Variants in RTTN observed in about 807,000 individuals in gnomAD.
RTTN encodes the protein rotatin.
Under a neutral mutation model 269.2 loss-of-function variants are expected in RTTN, and 182 were observed. That is an observed-to-expected ratio of 0.68 (90% CI 0.60 to 0.76). The LOEUF (loss-of-function observed/expected upper bound fraction) is 0.76, where lower values mean the gene tolerates loss of function less well. Among genes scored for constraint, RTTN ranks in the 30% least tolerant of loss-of-function variants. The pLI is 0.00. For synonymous variants in RTTN, 1,006 were observed against 963.5 expected (o/e 1.04, Z -0.82); for missense variants, 2,545 against 2,608.6 (o/e 0.98, Z 0.53).
chr18:70,120,476 C>G (rs1336584043), intron 26 of RTTN, among the ~76,000 whole-genome samples: 2 of 152,124 alleles, frequency 1.3e-5, no homozygotes, highest in African/African-American at 2.4e-5. Context: ...AAAATTATCT[C>G]TAAGTTTCGC....
chr18:70,124,882 ATAGGACTTCCAG>A (rs1349248366), intron 25 of RTTN, among the ~76,000 whole-genome samples: 1 of 152,068 alleles, frequency 6.6e-6, no homozygotes, highest in Non-Finnish European at 1.5e-5. Flanking sequence ...AACAGTAGCA[ATAGGACTTCCAG>A]TAGGAAAGGA....
chr18:70,122,100 CG>C (rs1005724679), intron 25 of RTTN, among the ~76,000 whole-genome samples: 2 of 151,556 alleles, frequency 1.3e-5, no homozygotes, highest in African/African-American at 4.9e-5. Context: ...CTGACCAACT[CG>C]AAAAAATAAG....
At position 70,030,044 on chromosome 18, in the gene RTTN, G is replaced by T; in HGVS notation, c.5713C>A (p.Leu1905Met). Reference sequence around the variant, plus strand: ...TTCAATGCTGCTTTCCCAGGCCTCAGAGAATCTAGGTTCAGTTGTGCATTT... The same window carrying T: ...TTCAATGCTGCTTTCCCAGGCCTCATAGAATCTAGGTTCAGTTGTGCATTT... ...HINAQLNLDS[L>M]RPGKAALKKK... The change falls in exon 42 of 49, where the codon CTG (leucine) becomes ATG (methionine). Residue 1905 changes from leucine to methionine, a missense_variant. Coordinates refer to ENST00000640769, the MANE Select transcript of RTTN (RefSeq NM_173630.4). 6.2e-7 allele frequency: 1 copy of T among 1,612,776 alleles called. No individual in the cohort carries two copies. The highest frequency in any genetic ancestry group is 1.1e-5 in the South Asian group (1 of 91,040).
chr18:70,063,965 C>CTTTTTTTT (rs35413593), intron 35 of RTTN, among the ~76,000 whole-genome samples: 2 of 131,214 alleles, frequency 1.5e-5, no homozygotes, highest in South Asian at 2.4e-4. Flanking sequence ...CTTTTATATG[C>CTTTTTTTT]TTTTTTTTTT....
At position 70,150,709 on chromosome 18, in the gene RTTN, T is replaced by C; in HGVS notation, c.1954A>G (p.Thr652Ala). Reference sequence around the variant, plus strand: ...TTGCAAAGTGAAGACACGGGTTTAGTGACATTATGGACACCTAAACATTCC... The same window carrying C: ...TTGCAAAGTGAAGACACGGGTTTAGCGACATTATGGACACCTAAACATTCC... ...TKECLGVHNV[T>A]KPVSSLCNGI... The change falls in exon 15 of 49, where the codon ACT (threonine) becomes GCT (alanine). Residue 652 changes from threonine (T) to alanine (A), a missense_variant. Coordinates refer to ENST00000640769, the MANE Select transcript of RTTN (RefSeq NM_173630.4). 1 of 1,605,534 alleles carries C rather than the reference T, an allele frequency of 6.2e-7. No individual in the cohort carries two copies.
At chr18:70,195,729 T>C (rs1272202038) in intron 7 of RTTN, among the ~76,000 whole-genome samples, 2 of 152,236 alleles carry the variant, frequency 1.3e-5, no homozygotes, top group South Asian at 2.1e-4. Flanking sequence ...TTCAGAGATA[T>C]CAACTTTTTA....
chr18:70,173,675 T>C (rs1053871364), intron 11 of RTTN, among the ~76,000 whole-genome samples: 61 of 152,256 alleles, frequency 4.0e-4, no homozygotes, highest in African/African-American at 1.2e-3. Flanking sequence ...TGGTAATAAG[T>C]ACACCACGAA....
At chr18:70,064,908 A>G (rs1402653591) in intron 35 of RTTN, among the ~76,000 whole-genome samples, 4 of 152,182 alleles carry the variant, frequency 2.6e-5, no homozygotes, top group African/African-American at 7.2e-5. Context: ...TGTTCATGAA[A>G]TTCATGATCG....
At chr18:70,124,877 T>G (rs1234340231) in intron 25 of RTTN, among the ~76,000 whole-genome samples, 1 of 151,926 alleles carries the variant, frequency 6.6e-6, no homozygotes, top group African/African-American at 2.4e-5. Context: ...AGAAAAACAG[T>G]AGCAATAGGA....
At chr18:70,178,466 G>A (rs2061352348) in intron 10 of RTTN, among the ~76,000 whole-genome samples, 1 of 152,104 alleles carries the variant, frequency 6.6e-6, no homozygotes, top group Non-Finnish European at 1.5e-5. Context: ...TGATGAAAAA[G>A]TTGCATAGAT....
chr18:70,200,015 G>A (rs1052936818), intron 4 of RTTN, among the ~76,000 whole-genome samples: 8 of 152,154 alleles, frequency 5.3e-5, no homozygotes, highest in South Asian at 4.1e-4. Context: ...ATCAGTGTTC[G>A]AACAAGATTA....
chr18:70,039,289 T>C (rs1008008306), intron 40 of RTTN, among the ~76,000 whole-genome samples: 31 of 149,000 alleles, frequency 2.1e-4, no homozygotes, highest in Admixed American at 1.9e-3. Context: ...AGGTCAAGGA[T>C]AAAGAAAAGA....
At chr18:70,133,708 T>C (rs1238134982) in intron 23 of RTTN, among the ~76,000 whole-genome samples, 1 of 151,868 alleles carries the variant, frequency 6.6e-6, no homozygotes, top group Admixed American at 6.6e-5. Flanking sequence ...CATTTTGGGG[T>C]GGTAGAAGGT....
intron 9 of RTTN, among the ~76,000 whole-genome samples, chr18:70,189,006 C>A (rs2061610082): frequency 6.6e-6 from 1 of 152,184 alleles, no homozygotes; most frequent in Non-Finnish European, 1.5e-5. Flanking sequence ...AGTTACAAAT[C>A]ATGCCATAAT....
At chr18:70,042,660 G>GT (rs2057380395) in intron 40 of RTTN, among the ~76,000 whole-genome samples, 1 of 152,258 alleles carries the variant, frequency 6.6e-6, no homozygotes, top group East Asian at 1.9e-4. Flanking sequence ...ACAGGCATGA[G>GT]CACCGCGCCC....
At chr18:70,107,161 G>A (rs929675268) in intron 28 of RTTN, among the ~76,000 whole-genome samples, 11 of 152,236 alleles carry the variant, frequency 7.2e-5, no homozygotes, top group Admixed American at 3.3e-4. Flanking sequence ...CCGTGCTGCA[G>A]TAAAGCAGTT....
At position 70,025,847 on chromosome 18, in the gene RTTN, T is replaced by A. The variant is rs147212773; in HGVS notation, c.5824-999A>T. 1.6e-4 allele frequency among the ~76,000 whole-genome samples: 25 copies of A among 152,350 alleles called. No individual in the cohort carries two copies. The East Asian group carries it at 4.2e-3, about 26-fold the overall frequency. ...GTTCCACTTCTTGCCTGCCAGAGAT[T>A]GATACATCCATCTGTGTTCTGAAAC... On this transcript the variant is annotated intron_variant, in intron 43 of 48. Transcript: ENST00000640769.
rs1568305651 is a variant in RTTN, at chr18:70,054,238, T to C, written c.5078A>G (p.Gln1693Arg). 1 of 1,613,970 alleles carries C rather than the reference T, an allele frequency of 6.2e-7. No individual in the cohort carries two copies. Among genetic ancestry groups the C allele is most frequent in the Non-Finnish European group, 8.5e-7 (1 of 1,179,934 alleles). ...EYLSSLSRLLQSCLLVEPDLV... is the reference protein window; with the variant it reads ...EYLSSLSRLLRSCLLVEPDLV... The stretch of plus-strand genomic sequence containing the variant: ...GTCAGGCTCCACCAATAAACATGAC[T>C]GCAGAAGCCTGGACAAAGAGGATAG... The change falls in exon 38 of 49, where the codon CAG (glutamine) becomes CGG (arginine). Residue 1693 changes from glutamine to arginine, a missense_variant. Gln to Arg is a conservative substitution (Grantham distance 43). Coordinates refer to ENST00000640769, the MANE Select transcript of RTTN (RefSeq NM_173630.4).
At chr18:70,102,873 T>C (rs551206194) in intron 28 of RTTN, among the ~76,000 whole-genome samples, 56 of 152,356 alleles carry the variant, frequency 3.7e-4, no homozygotes, top group Non-Finnish European at 5.9e-4. Flanking sequence ...GAAAATTCTT[T>C]TCTTTAAGAA....
Sources: allele counts gnomAD v4.1 joint callset (sites outside exome capture counted in the v4.1 genomes callset), GRCh38; gene constraint gnomAD v4.1.1; transcripts MANE v1.5; gene names NCBI Gene and HGNC (gene_info 2026-07-23, HGNC 2026-07-21).